ANXA7: variants seen among roughly 807,000 people sequenced by gnomAD.
ANXA7 encodes the protein annexin A7, also known as annexin VII.
In ANXA7, 55 loss-of-function variants were observed where a neutral mutation model predicts 64.9. That is an observed-to-expected ratio of 0.85 (90% CI 0.68 to 1.06). ANXA7 has a LOEUF of 1.06. Among genes scored for constraint, ANXA7 ranks in the 50% least tolerant of loss-of-function variants. ANXA7 has a pLI of 0.00. For missense variants in ANXA7, 548 were observed against 582.1 expected (o/e 0.94, Z 0.60); for synonymous variants, 200 against 192.4 (o/e 1.04, Z -0.33).
rs143306829 is a variant in ANXA7, at chr10:73,379,910, G to A, written c.1134C>T (p.Ser378=). The part of the protein sequence containing the change: ...DLLSSVSREF[S]GYVESGLKTI... ...TCTTCAAACCACTTTCTACATATCC[G>A]GAAAACTCACGGCTCACACTGCTTA... Residue 378 remains serine, a synonymous_variant, in exon 11 of 13, where the codon TCC becomes TCT. Coordinates refer to ENST00000372921, the MANE Select transcript of ANXA7 (RefSeq NM_001156.5). The A allele has an allele frequency of 9.9e-6, 16 of 1,613,984 alleles. No homozygotes were observed. The East Asian group carries it at 1.1e-4, about 11-fold the overall frequency.
chr10:73,408,789 G>GT (rs1314123821), intron 1 of ANXA7, among the ~76,000 whole-genome samples: 2 of 152,152 alleles, frequency 1.3e-5, no homozygotes, highest in Non-Finnish European at 2.9e-5. Context: ...CAGCATTTTT[G>GT]TAATAGGAAA....
chr10:73,402,439 C>T (rs528475631), intron 1 of ANXA7, among the ~76,000 whole-genome samples: 3 of 152,004 alleles, frequency 2.0e-5, no homozygotes, highest in South Asian at 2.1e-4. Context: ...TGGGCTCAAG[C>T]GATCTGCCTG....
rs1162780222 is a variant in ANXA7, at chr10:73,375,796, A to AT, written c.*298dup. The AT allele has an allele frequency of 3.1e-5, 6 of 193,896 alleles. No individual in the cohort carries two copies. The highest frequency in any genetic ancestry group is 7.0e-5 in the African/African-American group (3 of 42,962). The allele number at this position is 193,896 out of a possible 1,614,324, so 12.0% of individuals were successfully genotyped here. ...TTACACAGAATCAGAGATTGCTGTG[A>AT]TTTTTATTCAATTTGACATCTTGAT... On this transcript the variant is annotated 3_prime_UTR_variant, in exon 13 of 13. Transcript: ENST00000372921.
intron 1 of ANXA7, among the ~76,000 whole-genome samples, chr10:73,410,948 T>C (rs1055211000): frequency 1.3e-5 from 2 of 152,164 alleles, no homozygotes; most frequent in Non-Finnish European, 2.9e-5. Context: ...CTGCTGGGTA[T>C]CTACCCAAAG....
intron 2 of ANXA7, among the ~76,000 whole-genome samples, chr10:73,399,513 A>G (rs1197655303): frequency 6.6e-6 from 1 of 152,184 alleles, no homozygotes; most frequent in Non-Finnish European, 1.5e-5. Flanking sequence ...TAGCAGCCCC[A>G]CAGTTATGAG....
chr10:73,408,421 GATAA>G (rs1166631771), intron 1 of ANXA7: 2 of 151,944 alleles, frequency 1.3e-5, no homozygotes, highest in Non-Finnish European at 2.9e-5. Context: ...TAATTTATGA[GATAA>G]ATTAATAGTA....
intron 1 of ANXA7, among the ~76,000 whole-genome samples, chr10:73,407,887 A>G (rs143382017): frequency 1.3e-5 from 2 of 152,344 alleles, no homozygotes; most frequent in Non-Finnish European, 2.9e-5. Flanking sequence ...ATGAAAACTG[A>G]CCCAGTCAAT....
chr10:73,388,473 A>ACTTT (rs1434422534), intron 5 of ANXA7, 59 bp from the exon 6 acceptor site: 5 of 1,283,244 alleles, frequency 3.9e-6, no homozygotes, highest in Non-Finnish European at 5.7e-6. Flanking sequence ...TAATGAGGAA[A>ACTTT]CTTAAAGACT....
At position 73,395,788 on chromosome 10, in the gene ANXA7, A is replaced by C; in HGVS notation, c.435+731T>G. 1.1e-4 allele frequency: 25 copies of C among 236,502 alleles called. No individual in the cohort carries two copies. The Admixed American group carries it at 1.2e-3, about 12-fold the overall frequency. The allele number at this position is 236,502 out of a possible 1,614,324, so 14.7% of individuals were successfully genotyped here. The stretch of plus-strand genomic sequence containing the variant: ...GTGCCAACAGTGAAACTCCATCTCA[A>C]AAAAAAAAAAAAAGAAGCCATACGG... On this transcript the variant is annotated intron_variant, in intron 5 of 12. Transcript: ENST00000372921.
chr10:73,392,378 C>G (rs987246596), intron 5 of ANXA7, among the ~76,000 whole-genome samples: 1 of 151,412 alleles, frequency 6.6e-6, no homozygotes, highest in Non-Finnish European at 1.5e-5. Context: ...GATAACAAAG[C>G]CTGGCAGAGA....
At chr10:73,401,797 C>T (rs1049569232) in intron 1 of ANXA7, among the ~76,000 whole-genome samples, 2 of 152,056 alleles carry the variant, frequency 1.3e-5, no homozygotes, top group African/African-American at 2.4e-5. Context: ...CCACCTCACC[C>T]GGCCAAGGCT....
chr10:73,402,173 C>A (rs952428304), intron 1 of ANXA7, among the ~76,000 whole-genome samples: 2 of 151,974 alleles, frequency 1.3e-5, no homozygotes. Context: ...GTGGATTAAA[C>A]CCTAGCTTTC....
At chr10:73,397,349 T>C (rs1158817979) in intron 3 of ANXA7, 75 bp from the exon 4 acceptor site, 5 of 768,520 alleles carry the variant, frequency 6.5e-6, no homozygotes, top group Non-Finnish European at 8.0e-6. Flanking sequence ...AAAATATCTA[T>C]TGTTAACAGT....
In ANXA7 at chr10:73,379,929, C is replaced by T. The variant is rs1171208360; in HGVS notation, c.1115G>A (p.Ser372Asn). 4 of 1,614,226 alleles carry T rather than the reference C, an allele frequency of 2.5e-6. No homozygotes were observed. The South Asian group carries it at 4.4e-5, about 18-fold the overall frequency. ...SRMANRDLLS[S>N]VSREFSGYVE... ...ATATCCGGAAAACTCACGGCTCACA[C>T]TGCTTAACAAGTCTCGATTAGCCAT... Residue 372 changes from serine to asparagine, a missense_variant, in exon 11 of 13, where the codon AGT (serine) becomes AAT (asparagine). Ser to Asn is a conservative substitution (Grantham distance 46). Coordinates refer to ENST00000372921, the MANE Select transcript of ANXA7 (RefSeq NM_001156.5).
chr10:73,388,532 G>A, intron 5 of ANXA7, 118 bp from the exon 6 acceptor site: 1 of 725,330 alleles, frequency 1.4e-6, no homozygotes, highest in African/African-American at 1.8e-5. Flanking sequence ...GGGTTTTAAG[G>A]CAAGGATATG....
intron 9 of ANXA7, among the ~76,000 whole-genome samples, chr10:73,382,462 T>C (rs2055291546): frequency 6.6e-6 from 1 of 152,074 alleles, no homozygotes; most frequent in Non-Finnish European, 1.5e-5. Flanking sequence ...CCCACTGAAC[T>C]TCCTGAATAG....
chr10:73,378,376 T>TAAA (rs2055220132), intron 12 of ANXA7, among the ~76,000 whole-genome samples: 1 of 67,598 alleles, frequency 1.5e-5, no homozygotes, highest in Non-Finnish European at 2.6e-5. Context: ...AGACCATGTC[T>TAAA]CAAAAAAAAA....
At chr10:73,392,004 A>G (rs1024489771) in intron 5 of ANXA7, among the ~76,000 whole-genome samples, 2 of 152,224 alleles carry the variant, frequency 1.3e-5, no homozygotes, top group African/African-American at 4.8e-5. Context: ...GCAATAAAAA[A>G]TGATAAAGGG....
In ANXA7 at chr10:73,397,276, T is replaced by C; in HGVS notation, c.260-2A>G. 7.5e-6 allele frequency: 12 copies of C among 1,597,896 alleles called. No individual in the cohort carries two copies. Among genetic ancestry groups the C allele is most frequent in the Non-Finnish European group, 1.0e-5 (12 of 1,167,262 alleles). ...CTCCAAATCCTTGGCCTGGAGGAAC[T>C]AGAGAAAAGAACATGTCAATAAACT... On this transcript the variant is annotated splice_acceptor_variant, in intron 3 of 12. Coordinates refer to ENST00000372921, the MANE Select transcript of ANXA7 (RefSeq NM_001156.5). LOFTEE classifies it high-confidence loss of function.
Sources: allele counts gnomAD v4.1 joint callset (sites outside exome capture counted in the v4.1 genomes callset), GRCh38; gene constraint gnomAD v4.1.1; transcripts MANE v1.5; gene names NCBI Gene and HGNC (gene_info 2026-07-23, HGNC 2026-07-21).